LRP1B: variants seen among roughly 807,000 people sequenced by gnomAD.
LRP1B encodes the protein LDL receptor related protein 1B.
Under a neutral mutation model 556.6 loss-of-function variants are expected in LRP1B, and 217 were observed. The observed-to-expected ratio is 0.39, with a 90% CI of 0.35 to 0.44. The LOEUF is 0.44. LRP1B is among the 20% of genes least tolerant of loss of function. LRP1B has a pLI of 1.00. For synonymous variants in LRP1B, 2,047 were observed against 1,865.8 expected, an observed-to-expected ratio of 1.10 and a Z score of -2.50; for missense variants, 5,053 against 5,620.8, an observed-to-expected ratio of 0.90 and a Z score of 3.23.
At chr2:141,034,927 A>C (rs1355225759) in intron 11 of LRP1B, among the ~76,000 whole-genome samples, 2 of 152,044 alleles carry the variant, frequency 1.3e-5, no homozygotes, top group Non-Finnish European at 2.9e-5. Context: ...TTGCGGCACT[A>C]TTCACAATAG....
chr2:141,025,295 T>A (rs911706465), intron 11 of LRP1B, among the ~76,000 whole-genome samples: 2 of 152,010 alleles, frequency 1.3e-5, no homozygotes, highest in Non-Finnish European at 2.9e-5. Flanking sequence ...CAAATAATAA[T>A]TTCTGGATTC....
At chr2:142,107,063 T>C (rs1706771457) in intron 1 of LRP1B, among the ~76,000 whole-genome samples, 1 of 152,150 alleles carries the variant, frequency 6.6e-6, no homozygotes. Context: ...TATGAGTGAG[T>C]TCTGCTTAGT....
At chr2:140,743,196 T>C (rs1428202005) in intron 35 of LRP1B, among the ~76,000 whole-genome samples, 1 of 152,174 alleles carries the variant, frequency 6.6e-6, no homozygotes, top group African/African-American at 2.4e-5. Flanking sequence ...TAACAAAGTG[T>C]TTCACTATAT....
At chr2:141,307,202 G>A (rs1367071900) in intron 3 of LRP1B, among the ~76,000 whole-genome samples, 1 of 151,956 alleles carries the variant, frequency 6.6e-6, no homozygotes, top group East Asian at 1.9e-4. Flanking sequence ...GCTGAGAGTA[G>A]GGTGTTGAAA....
chr2:141,450,998 C>T (rs994508332), intron 3 of LRP1B, among the ~76,000 whole-genome samples: 11 of 152,200 alleles, frequency 7.2e-5, no homozygotes, highest in African/African-American at 2.7e-4. Flanking sequence ...CTGACCCTCA[C>T]AATCTGTGTG....
Position 141,004,351 on chromosome 2 carries a change from C to T in LRP1B, c.2503+984G>A, listed in dbSNP as rs866390104. On this transcript the variant is annotated intron_variant, in intron 15 of 90. Coordinates refer to ENST00000389484, the MANE Select transcript of LRP1B (RefSeq NM_018557.3). ...AGATGAACTTGCTCCAATCAGTTGGCCAGAGTGGAACAAAAAGGCTGAACC... is the reference window on the plus strand; with the variant it reads ...AGATGAACTTGCTCCAATCAGTTGGTCAGAGTGGAACAAAAAGGCTGAACC... Among the ~76,000 whole-genome samples the T allele has an allele frequency of 2.6e-5, 4 of 151,682 alleles. No homozygotes were observed. The South Asian group carries it at 8.3e-4, about 32-fold the overall frequency.
At chr2:140,314,851 T>C in intron 83 of LRP1B, 84 bp downstream of exon 83, 2 of 912,276 alleles carry the variant, frequency 2.2e-6, no homozygotes, top group South Asian at 3.9e-5. Context: ...TATTAGGAAG[T>C]ATATTTGTAA....
At chr2:141,852,566 A>G (rs1697902615) in intron 1 of LRP1B, among the ~76,000 whole-genome samples, 1 of 151,900 alleles carries the variant, frequency 6.6e-6, no homozygotes, top group Non-Finnish European at 1.5e-5. Context: ...AAATATTGAA[A>G]TATAAGTAAA....
At chr2:140,812,870 C>T (rs1456515129) in intron 32 of LRP1B, among the ~76,000 whole-genome samples, 1 of 152,090 alleles carries the variant, frequency 6.6e-6, no homozygotes, top group Non-Finnish European at 1.5e-5. Flanking sequence ...CCAATCCTCA[C>T]ACCCCTCACC....
chr2:140,342,352 A>G (rs1681439835), intron 77 of LRP1B, among the ~76,000 whole-genome samples: 2 of 151,474 alleles, frequency 1.3e-5, no homozygotes, highest in Non-Finnish European at 3.0e-5. Flanking sequence ...TGCATGACAT[A>G]CTATAACCCT....
At chr2:141,756,548 C>A (rs73963596) in intron 2 of LRP1B, among the ~76,000 whole-genome samples, 100 of 20,164 alleles carry the variant, frequency 5.0e-3, no homozygotes, top group African/African-American at 0.012. Flanking sequence ...TCAAATTACA[C>A]ACACACACAC....
chr2:141,485,653 G>A (rs1683094077), intron 2 of LRP1B, among the ~76,000 whole-genome samples: 1 of 152,040 alleles, frequency 6.6e-6, no homozygotes, highest in Non-Finnish European at 1.5e-5. Context: ...TTTGTGCAGT[G>A]AAAATATTTG....
At chr2:140,880,897 T>C (rs1241672338) in intron 25 of LRP1B, among the ~76,000 whole-genome samples, 1 of 152,192 alleles carries the variant, frequency 6.6e-6, no homozygotes, top group Non-Finnish European at 1.5e-5. Context: ...GTTTAACATT[T>C]ACTTAGCACA....
At chr2:140,469,231 G>C (rs1313022963) in intron 60 of LRP1B, among the ~76,000 whole-genome samples, 2 of 152,122 alleles carry the variant, frequency 1.3e-5, no homozygotes, top group African/African-American at 4.8e-5. Flanking sequence ...TAAGCCATGA[G>C]GACTCTATCC....
chr2:141,552,641 T>C (rs1176295384), intron 2 of LRP1B, among the ~76,000 whole-genome samples: 1 of 151,984 alleles, frequency 6.6e-6, no homozygotes, highest in Non-Finnish European at 1.5e-5. Context: ...GATTATTATT[T>C]ATAGAAGTTT....
intron 41 of LRP1B, among the ~76,000 whole-genome samples, chr2:140,651,442 T>C (rs1215999299): frequency 6.8e-6 from 1 of 146,912 alleles, no homozygotes; most frequent in Non-Finnish European, 1.5e-5. Context: ...GCATGGCACA[T>C]GTATACATAT....
intron 7 of LRP1B, among the ~76,000 whole-genome samples, chr2:141,148,519 TG>T (rs1178262579): frequency 1.3e-5 from 2 of 152,136 alleles, no homozygotes; most frequent in East Asian, 3.9e-4. Flanking sequence ...GGCAGCATGC[TG>T]GTAATCCACT....
chr2:140,407,190 T>C (rs577516667), intron 66 of LRP1B, among the ~76,000 whole-genome samples: 1 of 151,994 alleles, frequency 6.6e-6, no homozygotes, highest in African/African-American at 2.4e-5. Context: ...AAAAATCAGT[T>C]CAAGAGGGAT....
chr2:141,351,920 G>A (rs1688458763), intron 3 of LRP1B, among the ~76,000 whole-genome samples: 1 of 151,862 alleles, frequency 6.6e-6, no homozygotes, highest in Non-Finnish European at 1.5e-5. Context: ...GATCACAGAT[G>A]GAGGGTTGAG....
Sources: allele counts gnomAD v4.1 joint callset (sites outside exome capture counted in the v4.1 genomes callset), GRCh38; gene constraint gnomAD v4.1.1; transcripts MANE v1.5; gene names NCBI Gene and HGNC (gene_info 2026-07-23, HGNC 2026-07-21).